Variants in BMPR1B observed in about 807,000 individuals in gnomAD.
BMPR1B encodes bone morphogenetic protein receptor type 1B.
BMPR1B carries 12 observed loss-of-function variants against 59.1 expected under a neutral mutation model. The observed-to-expected ratio is 0.20, with a 90% confidence interval of 0.13 to 0.33. BMPR1B has a LOEUF of 0.33. BMPR1B is among the 10% of genes least tolerant of loss of function. The probability of loss-of-function intolerance (pLI) is 1.00; values close to 1 mark genes in which losing one functional copy is unlikely to be tolerated. For synonymous variants in BMPR1B, 237 were observed against 207.3 expected (o/e 1.14, Z -1.23); for missense variants, 550 against 610.9 (o/e 0.90, Z 1.05).
chr4:94,992,519 T>A (rs907951712), intron 2 of BMPR1B, among the ~76,000 whole-genome samples: 2 of 152,132 alleles, frequency 1.3e-5, no homozygotes, highest in African/African-American at 4.8e-5. Context: ...TTTCTTTATT[T>A]AAAAAAAGGT....
intron 3 of BMPR1B, among the ~76,000 whole-genome samples, chr4:95,024,168 T>C (rs1724192292): frequency 6.6e-6 from 1 of 152,244 alleles, no homozygotes; most frequent in Non-Finnish European, 1.5e-5. Flanking sequence ...AGGGTGATTC[T>C]ATTAGCTAAT....
chr4:95,137,379 T>C (rs922549177), intron 10 of BMPR1B, among the ~76,000 whole-genome samples: 11 of 152,232 alleles, frequency 7.2e-5, no homozygotes, highest in African/African-American at 2.7e-4. Context: ...GAAGAATGTA[T>C]ATTCTGTTGA....
intron 1 of BMPR1B, among the ~76,000 whole-genome samples, chr4:94,808,568 T>A (rs1723695994): frequency 6.6e-6 from 1 of 152,174 alleles, no homozygotes; most frequent in Non-Finnish European, 1.5e-5. Context: ...TGCTTTAGGC[T>A]AGTTGCCGGA....
intron 2 of BMPR1B, among the ~76,000 whole-genome samples, chr4:94,928,683 G>A (rs144900293): frequency 6.6e-6 from 1 of 151,648 alleles, no homozygotes; most frequent in Non-Finnish European, 1.5e-5. Flanking sequence ...TGTTTTGCCT[G>A]AGATATGAAA....
At position 94,782,912 on chromosome 4, in the gene BMPR1B, G is replaced by A. The variant is rs75445586; in HGVS notation, c.-183+24844G>A. On this transcript the variant is annotated intron_variant, in intron 1 of 12. Transcript: ENST00000515059. ...AACTGGACATTTTAGGCAATATATT[G>A]TAACACTGGAATCTGCTTCCCTCCA... Among the ~76,000 whole-genome samples, 1,249 of 151,984 alleles carry A rather than the reference G, an allele frequency of 8.2e-3. 14 individuals carry two copies. Among genetic ancestry groups the A allele is most frequent in the African/African-American group, 0.029 (1,202 of 41,442 alleles).
At chr4:95,086,983 G>A (rs1314787912) in intron 3 of BMPR1B, among the ~76,000 whole-genome samples, 1 of 149,702 alleles carries the variant, frequency 6.7e-6, no homozygotes, top group Admixed American at 6.7e-5. Flanking sequence ...AGGCCTTGGT[G>A]TGTCTCATAT....
intron 1 of BMPR1B, among the ~76,000 whole-genome samples, chr4:94,792,858 A>G (rs933996116): frequency 6.6e-6 from 1 of 152,186 alleles, no homozygotes; most frequent in African/African-American, 2.4e-5. Context: ...TACAAAAGTT[A>G]CCTGAAAAAT....
intron 3 of BMPR1B, among the ~76,000 whole-genome samples, chr4:95,051,991 C>A (rs1726541681): frequency 6.6e-6 from 1 of 152,176 alleles, no homozygotes; most frequent in Non-Finnish European, 1.5e-5. Flanking sequence ...CTTAACATTT[C>A]TATTTTCTCT....
intron 8 of BMPR1B, among the ~76,000 whole-genome samples, chr4:95,129,137 A>G (rs1350521874): frequency 6.6e-6 from 1 of 152,192 alleles, no homozygotes; most frequent in Admixed American, 6.5e-5. Flanking sequence ...CATGAAAAGT[A>G]TTCTGCAAAT....
intron 1 of BMPR1B, among the ~76,000 whole-genome samples, chr4:94,762,878 C>A (rs4699364): frequency 0.76 from 114,194 of 149,602 alleles, 43,717 homozygotes; most frequent in African/African-American, 0.83. Context: ...TTTTGCGGGG[C>A]TGGGGGCTGG....
chr4:95,030,818 G>A (rs560598987), intron 3 of BMPR1B, among the ~76,000 whole-genome samples: 8 of 152,174 alleles, frequency 5.3e-5, no homozygotes, highest in African/African-American at 9.7e-5. Context: ...TAAAAGGGAC[G>A]TGAAGGACCT....
intron 1 of BMPR1B, among the ~76,000 whole-genome samples, chr4:94,761,203 C>T (rs1421385850): frequency 6.6e-6 from 1 of 152,054 alleles, no homozygotes; most frequent in Non-Finnish European, 1.5e-5. Context: ...CAATAAAAGC[C>T]GTGCATGAAA....
At chr4:95,035,065 C>T (rs1446573853) in intron 3 of BMPR1B, among the ~76,000 whole-genome samples, 3 of 151,906 alleles carry the variant, frequency 2.0e-5, no homozygotes, top group Non-Finnish European at 4.4e-5. Flanking sequence ...TGTTTGTTGG[C>T]TATTTGTTTA....
intron 1 of BMPR1B, among the ~76,000 whole-genome samples, chr4:94,831,208 GT>G (rs1162530004): frequency 1.9e-5 from 2 of 103,768 alleles, no homozygotes; most frequent in African/African-American, 7.7e-5. Flanking sequence ...GTGTGTCCTC[GT>G]TTTTAACAAG....
chr4:95,128,722 A>G (rs116108120), intron 8 of BMPR1B, among the ~76,000 whole-genome samples: 2,648 of 152,218 alleles, frequency 0.017, 78 homozygotes, highest in African/African-American at 0.06. Context: ...TATTGTGACA[A>G]TTAACTGTCT....
At position 95,144,205 on chromosome 4, in the gene BMPR1B, C is replaced by G. The variant is rs1034694904; in HGVS notation, c.1077-4543C>G. On this transcript the variant is annotated intron_variant, in intron 10 of 12. Transcript: ENST00000515059. The stretch of plus-strand genomic sequence containing the variant: ...TTATTGATTTTTTGAGATGAGGTCT[C>G]CCTCTGTTGCCCAGGCTAGAGTGCA... Among the ~76,000 whole-genome samples the G allele has an allele frequency of 5.3e-5, 8 of 152,120 alleles. No homozygotes were observed. The South Asian group carries it at 1.5e-3, about 28-fold the overall frequency.
intron 1 of BMPR1B, among the ~76,000 whole-genome samples, chr4:94,758,824 C>A (rs767606435): frequency 4.5e-4 from 69 of 152,032 alleles, no homozygotes; most frequent in Non-Finnish European, 9.9e-4. Flanking sequence ...TCCTTCCGTG[C>A]GTCTGTCTCC....
chr4:94,792,641 C>T (rs539931664), intron 1 of BMPR1B, among the ~76,000 whole-genome samples: 1 of 152,202 alleles, frequency 6.6e-6, no homozygotes, highest in Admixed American at 6.6e-5. Flanking sequence ...TGTCTGGTAT[C>T]CTTGTTACTG....
intron 1 of BMPR1B, among the ~76,000 whole-genome samples, chr4:94,863,033 G>T (rs911395890): frequency 6.6e-6 from 1 of 151,554 alleles, no homozygotes; most frequent in African/African-American, 2.4e-5. Context: ...CGGAAGAATC[G>T]CTTGACCTGG....
Sources: allele counts gnomAD v4.1 joint callset (sites outside exome capture counted in the v4.1 genomes callset), GRCh38; gene constraint gnomAD v4.1.1; transcripts MANE v1.5; gene names NCBI Gene and HGNC (gene_info 2026-07-23, HGNC 2026-07-21).